The following TRAP1 variants were observed in gnomAD, a reference collection of about 807,000 sequenced individuals.
The protein encoded by TRAP1 is TNF receptor associated protein 1.
A neutral mutation model predicts 89.1 loss-of-function variants in TRAP1; 102 were observed. The observed-to-expected ratio is 1.15, with a 90% CI of 0.98 to 1.35. The LOEUF (loss-of-function observed/expected upper bound fraction) is 1.35. Among genes scored for constraint, TRAP1 ranks in the 40% most tolerant of loss-of-function variants. The pLI is 0.00. For synonymous variants in TRAP1, 508 were observed against 388.0 expected (o/e 1.31, Z -3.64); for missense variants, 1,256 against 945.3 (o/e 1.33, Z -4.31).
At chr16:3,685,500 G>C (rs1158617401) in intron 4 of TRAP1, among the ~76,000 whole-genome samples, 1 of 151,664 alleles carries the variant, frequency 6.6e-6, no homozygotes, top group Non-Finnish European at 1.5e-5. Context: ...ATGACGCCGT[G>C]ACCCTGGGAT....
intron 1 of TRAP1, among the ~76,000 whole-genome samples, chr16:3,697,926 T>C (rs997289756): frequency 2.0e-5 from 3 of 151,486 alleles, no homozygotes; most frequent in Non-Finnish European, 4.4e-5. Context: ...GTAGCTGGGA[T>C]TGCAGGTGTG....
chr16:3,674,524 C>T (rs751303818), intron 8 of TRAP1, 30 bp from the exon 9 acceptor site: 9 of 1,609,424 alleles, frequency 5.6e-6, no homozygotes, highest in Middle Eastern at 1.7e-4. Flanking sequence ...GGGAGGGCGT[C>T]GTGTTCACCA....
intron 4 of TRAP1, among the ~76,000 whole-genome samples, chr16:3,684,766 G>A (rs186327424): frequency 1.3e-5 from 2 of 152,164 alleles, no homozygotes; most frequent in East Asian, 3.9e-4. Context: ...CTCCAGCCTG[G>A]GCGACACAGC....
At chr16:3,710,879 A>ATAT (rs71133652) in intron 1 of TRAP1, among the ~76,000 whole-genome samples, 2 of 125,834 alleles carry the variant, frequency 1.6e-5, no homozygotes. Flanking sequence ...ATATATATAT[A>ATAT]TTTTTTTTTT....
chr16:3,709,735 C>T (rs1256860076), intron 1 of TRAP1, among the ~76,000 whole-genome samples: 1 of 152,158 alleles, frequency 6.6e-6, no homozygotes, highest in Non-Finnish European at 1.5e-5. Flanking sequence ...ACCACAACCT[C>T]CACCTCCCAG....
chr16:3,712,291 A>C (rs2051542574), intron 1 of TRAP1, among the ~76,000 whole-genome samples: 1 of 75,092 alleles, frequency 1.3e-5, no homozygotes, highest in Admixed American at 1.4e-4. Flanking sequence ...GTCTCAAAAA[A>C]AAAAAAAAAA....
Position 3,661,976 on chromosome 16 carries a change from C to G in TRAP1, c.1940+11G>C. The stretch of plus-strand genomic sequence containing the variant: ...TCCCACAGGCTGGAAGAGCCAGGAG[C>G]GTGGCCTCACCTGGGGTTGATCTCC... On this transcript the variant is annotated intron_variant, in intron 16 of 17. Transcript: ENST00000246957. 1 of 1,593,678 alleles carries G rather than the reference C, an allele frequency of 6.3e-7. No individual in the cohort carries two copies. The highest frequency in any genetic ancestry group is 2.3e-5 in the East Asian group (1 of 44,440).
rs1423697782 is a variant in TRAP1 at position 3,663,582 on chromosome 16, G to C, written c.1570-20C>G. ...GAGAACCTGCAGGTGGCCAAGAGCA[G>C]CTCCATCAGACCCCGGGGGCCTCCA... On this transcript the variant is annotated intron_variant, in intron 13 of 17. Coordinates refer to ENST00000246957, the MANE Select transcript of TRAP1 (RefSeq NM_016292.3). The C allele has an allele frequency of 1.9e-6, 3 of 1,612,998 alleles. No individual in the cohort carries two copies. In the African/African-American group the frequency reaches 4.0e-5, roughly 22 times the overall value.
intron 4 of TRAP1, 145 bp from the exon 5 acceptor site, chr16:3,679,935 G>A: frequency 1.4e-6 from 1 of 722,806 alleles, no homozygotes; most frequent in Non-Finnish European, 2.4e-6. Flanking sequence ...CATCAGAAAA[G>A]ACTAATTCTA....
At position 3,676,058 on chromosome 16, in the gene TRAP1, A is replaced by C. The variant is rs746564217; in HGVS notation, c.792T>G (p.Phe264Leu). The stretch of plus-strand genomic sequence containing the variant: ...CACCTCGCACCCGGGCCTCGCTGGA[A>C]AACTCCTTGCAGTCGGATTTCAGGT... ...IIHLKSDCKEFSSEARVRDVV... is the reference protein window; with the variant it reads ...IIHLKSDCKELSSEARVRDVV... The change falls in exon 7 of 18, where the codon TTT becomes TTG. Residue 264 changes from phenylalanine to leucine, a missense_variant. Coordinates refer to ENST00000246957, the MANE Select transcript of TRAP1 (RefSeq NM_016292.3). 3.7e-6 allele frequency: 6 copies of C among 1,613,718 alleles called. No homozygotes were observed. Among genetic ancestry groups the C allele is most frequent in the East Asian group, 2.2e-5 (1 of 44,882 alleles).
chr16:3,677,593 C>T lies in TRAP1; in HGVS notation c.609G>A (p.Val203=), dbSNP rs778964319. ...ASSKIIGQFG[V]GFYSAFMVAD... ...CCACCATGAAAGCTGAGTAGAAACC[C>T]ACTCCAAACTGGCCGATGATCTTGC... is the stretch of plus-strand genomic sequence containing the variant. Residue 203 remains valine, a synonymous_variant, in exon 6 of 18, where the codon GTG becomes GTA. Coordinates refer to ENST00000246957, the MANE Select transcript of TRAP1 (RefSeq NM_016292.3). 1.9e-6 allele frequency: 3 copies of T among 1,614,196 alleles called. No homozygotes were observed. Among genetic ancestry groups the T allele is most frequent in the Non-Finnish European group, 2.5e-6 (3 of 1,180,048 alleles).
chr16:3,663,772 G>A (rs920026797), intron 13 of TRAP1: 15 of 599,512 alleles, frequency 2.5e-5, no homozygotes, highest in Admixed American at 2.1e-4. Flanking sequence ...AGCACTCCAC[G>A]CATAAAGAAA....
intron 1 of TRAP1, among the ~76,000 whole-genome samples, chr16:3,691,947 C>T (rs977372688): frequency 3.3e-5 from 5 of 152,106 alleles, no homozygotes; most frequent in Admixed American, 6.6e-5. Flanking sequence ...TGTCCCCAGC[C>T]GCACGCAGTT....
At position 3,687,814 on chromosome 16, in the gene TRAP1, C is replaced by A. The variant is rs540210216; in HGVS notation, c.330+1241G>T. On this transcript the variant is annotated intron_variant, in intron 3 of 17. Transcript: ENST00000246957. ...AGCGAGCCGAGATCATACCACTGCA[C>A]TCCAGCCTGGGCGTCAGACCCAGAC... Among the ~76,000 whole-genome samples the A allele has an allele frequency of 7.3e-5, 11 of 150,136 alleles. No individual in the cohort carries two copies. In the South Asian group the frequency reaches 2.3e-3, roughly 32 times the overall value.
chr16:3,711,723 A>G (rs997450394), intron 1 of TRAP1, among the ~76,000 whole-genome samples: 3 of 152,194 alleles, frequency 2.0e-5, no homozygotes, highest in African/African-American at 7.2e-5. Context: ...TAGTGGTTTT[A>G]GCAGAAATAA....
At chr16:3,684,461 T>G (rs2051112915) in intron 4 of TRAP1, among the ~76,000 whole-genome samples, 1 of 152,102 alleles carries the variant, frequency 6.6e-6, no homozygotes. Context: ...TTTCTAAAAC[T>G]TTAGGTAAGA....
At chr16:3,662,192 GA>G in intron 15 of TRAP1, 60 bp from the exon 16 acceptor site, 1 of 1,568,136 alleles carries the variant, frequency 6.4e-7, no homozygotes. Context: ...GGGCTGGCAG[GA>G]TCTTACCAGG....
rs543163044 is a variant in TRAP1, at chr16:3,675,591, A to C, written c.815-194T>G. On this transcript the variant is annotated intron_variant, in intron 7 of 17. Transcript: ENST00000246957. Reference sequence around the variant, plus strand: ...TCTCACGGGGGCAGCAGCGGAGCCCACGTGAGAACCAGAGCTGTGGAGGCC... The same window carrying C: ...TCTCACGGGGGCAGCAGCGGAGCCCCCGTGAGAACCAGAGCTGTGGAGGCC... Among the ~76,000 whole-genome samples, 18 of 152,184 alleles carry C rather than the reference A, an allele frequency of 1.2e-4. No individual in the cohort carries two copies. The East Asian group carries it at 3.5e-3, about 30-fold the overall frequency.
intron 5 of TRAP1, 70 bp downstream of exon 5, chr16:3,679,649 G>A (rs1254419272): frequency 7.2e-6 from 11 of 1,530,874 alleles, no homozygotes; most frequent in Non-Finnish European, 1.0e-5. Flanking sequence ...GGCACCCAGG[G>A]CCACCCCTAC....
Sources: allele counts gnomAD v4.1 joint callset (sites outside exome capture counted in the v4.1 genomes callset), GRCh38; gene constraint gnomAD v4.1.1; transcripts MANE v1.5; gene names NCBI Gene and HGNC (gene_info 2026-07-23, HGNC 2026-07-21).